The following ZNF804A variants were observed in gnomAD, a reference collection of about 807,000 sequenced individuals.
ZNF804A encodes the protein zinc finger protein 804A.
ZNF804A carries 2 observed loss-of-function variants against 16.5 expected under a neutral mutation model. The ratio of observed to expected loss-of-function variants is 0.12; its 90% CI spans 0.05 to 0.38. The LOEUF (loss-of-function observed/expected upper bound fraction) is 0.38, where lower values mean the gene tolerates loss of function less well. Among genes scored for constraint, ZNF804A ranks in the 10% least tolerant of loss-of-function variants. The pLI, the probability that ZNF804A is intolerant of heterozygous loss-of-function variation, is 0.99. For missense variants in ZNF804A, 1,473 were observed against 1,390.7 expected, an observed-to-expected ratio of 1.06 and a Z score of -0.94; for synonymous variants, 534 against 489.6, an observed-to-expected ratio of 1.09 and a Z score of -1.20.
In ZNF804A at chr2:184,937,023, A is replaced by G. The variant is rs1685802343; in HGVS notation, c.1627A>G (p.Asn543Asp). The change falls in exon 4 of 4, where the codon AAC becomes GAC. Residue 543 changes from asparagine (N) to aspartate (D), a missense_variant. Coordinates refer to ENST00000302277, the MANE Select transcript of ZNF804A (RefSeq NM_194250.2). ...SSSCDSGKNE[N>D]TGQRYKNISC... is the part of the protein sequence containing the mutation. The stretch of plus-strand genomic sequence containing the variant: ...TAGTTGTGATTCTGGAAAAAATGAG[A>G]ACACAGGTCAGAGGTATAAAAACAT... 1.9e-6 allele frequency: 3 copies of G among 1,613,092 alleles called. No homozygotes were observed. The highest frequency in any genetic ancestry group is 1.3e-5 in the African/African-American group (1 of 74,888).
At chr2:184,679,641 T>A (rs1304420968) in intron 1 of ZNF804A, among the ~76,000 whole-genome samples, 9 of 152,178 alleles carry the variant, frequency 5.9e-5, no homozygotes, top group Non-Finnish European at 1.3e-4. Flanking sequence ...AGGCCAAGCC[T>A]GGGCACTGTT....
At chr2:184,744,840 G>GT (rs1399148374) in intron 1 of ZNF804A, among the ~76,000 whole-genome samples, 28 of 151,730 alleles carry the variant, frequency 1.8e-4, no homozygotes, top group Non-Finnish European at 3.8e-4. Context: ...TAAATATGCA[G>GT]TTTATTTTTT....
In ZNF804A at chr2:184,937,710, C is replaced by G. The variant is rs762537446; in HGVS notation, c.2314C>G (p.Arg772Gly). ...MNESERFYRKRRQHSHSYSSD... is the reference protein window; with the variant it reads ...MNESERFYRKGRQHSHSYSSD... ...TGAATCAGAAAGATTCTATCGAAAA[C>G]GTAGACAACATTCACATTCTTATTC... Residue 772 changes from arginine to glycine, a missense_variant, in exon 4 of 4, where the codon CGT (arginine) becomes GGT (glycine). Arg to Gly is a moderately radical substitution (Grantham distance 125, BLOSUM62 -2). Transcript: ENST00000302277. 1 of 1,613,978 alleles carries G rather than the reference C, an allele frequency of 6.2e-7. No individual in the cohort carries two copies. Among genetic ancestry groups the G allele is most frequent in the Non-Finnish European group, 8.5e-7 (1 of 1,179,974 alleles).
chr2:184,626,185 A>C (rs1691495500), intron 1 of ZNF804A, among the ~76,000 whole-genome samples: 1 of 151,970 alleles, frequency 6.6e-6, no homozygotes, highest in Non-Finnish European at 1.5e-5. Flanking sequence ...CTTAATATAT[A>C]ATACTTCTAG....
intron 1 of ZNF804A, among the ~76,000 whole-genome samples, chr2:184,807,652 C>T (rs1444708369): frequency 6.6e-6 from 1 of 151,770 alleles, no homozygotes; most frequent in East Asian, 1.9e-4. Flanking sequence ...AATATAACTA[C>T]TTTTTGACAT....
intron 1 of ZNF804A, among the ~76,000 whole-genome samples, chr2:184,641,558 C>T (rs1170387954): frequency 6.6e-6 from 1 of 152,104 alleles, no homozygotes; most frequent in Non-Finnish European, 1.5e-5. Flanking sequence ...ATATTTAAAT[C>T]ATATCTTGAA....
At chr2:184,879,293 T>A (rs1684769094) in intron 2 of ZNF804A, among the ~76,000 whole-genome samples, 2 of 152,068 alleles carry the variant, frequency 1.3e-5, no homozygotes, top group African/African-American at 4.8e-5. Flanking sequence ...TCTGACAGTC[T>A]TTAACTCACT....
intron 1 of ZNF804A, among the ~76,000 whole-genome samples, chr2:184,700,399 C>T (rs572542980): frequency 7.2e-5 from 11 of 152,062 alleles, no homozygotes; most frequent in African/African-American, 2.6e-4. Flanking sequence ...TTACATAAGG[C>T]CTCTGTATTA....
intron 2 of ZNF804A, among the ~76,000 whole-genome samples, chr2:184,916,238 TAAG>T (rs1559001707): frequency 6.6e-6 from 1 of 152,138 alleles, no homozygotes; most frequent in Non-Finnish European, 1.5e-5. Flanking sequence ...ATTAACTCAC[TAAG>T]AAGAATGAAA....
At chr2:184,660,174 T>A (rs1024429960) in intron 1 of ZNF804A, among the ~76,000 whole-genome samples, 1 of 152,312 alleles carries the variant, frequency 6.6e-6, no homozygotes, top group South Asian at 2.1e-4. Flanking sequence ...AATTAAGAAG[T>A]TCTTGATCCA....
At chr2:184,641,190 A>G (rs1054499690) in intron 1 of ZNF804A, among the ~76,000 whole-genome samples, 3 of 152,088 alleles carry the variant, frequency 2.0e-5, no homozygotes, top group African/African-American at 7.2e-5. Context: ...TGACCTCATG[A>G]TCTGCCCACC....
intron 1 of ZNF804A, among the ~76,000 whole-genome samples, chr2:184,607,559 T>C (rs544679134): frequency 1.1e-4 from 16 of 152,106 alleles, no homozygotes; most frequent in African/African-American, 3.4e-4. Context: ...ACTGCCCCCA[T>C]GATTCAATTT....
chr2:184,908,290 A>G (rs1574266317), intron 2 of ZNF804A, among the ~76,000 whole-genome samples: 1 of 151,952 alleles, frequency 6.6e-6, no homozygotes, highest in South Asian at 2.1e-4. Context: ...GCAGCCTACC[A>G]TCATTGAATC....
At chr2:184,894,107 A>G (rs958463063) in intron 2 of ZNF804A, among the ~76,000 whole-genome samples, 5 of 152,252 alleles carry the variant, frequency 3.3e-5, no homozygotes, top group South Asian at 2.1e-4. Context: ...TCATGTTTTG[A>G]TATTAACAAG....
intron 1 of ZNF804A, among the ~76,000 whole-genome samples, chr2:184,842,721 G>T (rs1695456480): frequency 6.6e-6 from 1 of 151,958 alleles, no homozygotes; most frequent in Non-Finnish European, 1.5e-5. Context: ...TTTGAGTGAG[G>T]CTAGAAAATA....
At chr2:184,731,341 T>C (rs1466041908) in intron 1 of ZNF804A, among the ~76,000 whole-genome samples, 1 of 150,298 alleles carries the variant, frequency 6.7e-6, no homozygotes. Flanking sequence ...TCATTTTGCA[T>C]TCCCACTAGC....
chr2:184,719,907 C>G lies in ZNF804A; in HGVS notation c.111+120837C>G, dbSNP rs556793515. 1.6e-4 allele frequency among the ~76,000 whole-genome samples: 24 copies of G among 152,282 alleles called. No individual in the cohort carries two copies. In the East Asian group the frequency reaches 4.6e-3, roughly 29 times the overall value. The stretch of plus-strand genomic sequence containing the variant: ...AAGTCACTTCCACATTTTTTGGTAT[C>G]TTTTCAGCAGTGCCCCACTCTTCTG... On this transcript the variant is annotated intron_variant, in intron 1 of 3. Coordinates refer to ENST00000302277, the MANE Select transcript of ZNF804A (RefSeq NM_194250.2).
At chr2:184,872,295 A>C (rs557564599) in intron 2 of ZNF804A, among the ~76,000 whole-genome samples, 1 of 152,266 alleles carries the variant, frequency 6.6e-6, no homozygotes, top group East Asian at 1.9e-4. Context: ...TAGATAAAAC[A>C]AGAATGCCAC....
At chr2:184,651,506 C>T (rs531445070) in intron 1 of ZNF804A, among the ~76,000 whole-genome samples, 1 of 152,008 alleles carries the variant, frequency 6.6e-6, no homozygotes, top group African/African-American at 2.4e-5. Flanking sequence ...AACAGACAAC[C>T]TACACAATGG....
Sources: gnomAD v4.1 joint callset for allele counts (sites outside exome capture counted in the v4.1 genomes callset) on GRCh38, gnomAD v4.1.1 for gene constraint, MANE v1.5 for transcripts, NCBI Gene and HGNC (gene_info 2026-07-23, HGNC 2026-07-21) for gene names.